The following RABGGTA variants were observed in gnomAD, a reference collection of about 807,000 sequenced individuals.
RABGGTA encodes the protein Rab geranylgeranyltransferase subunit alpha, also known as geranylgeranyl transferase type-2 subunit alpha.
In RABGGTA, 69 loss-of-function variants were observed where a neutral mutation model predicts 83.3. That is an observed-to-expected ratio of 0.83 (90% CI 0.68 to 1.01). The LOEUF (loss-of-function observed/expected upper bound fraction) is 1.01, where lower values mean the gene tolerates loss of function less well. Ranked by LOEUF, RABGGTA falls within the 50% of genes least tolerant of loss-of-function variation. The pLI is 0.00. For synonymous variants in RABGGTA, 310 were observed against 299.8 expected (o/e 1.03, Z -0.35); for missense variants, 681 against 712.7 (o/e 0.96, Z 0.51).
chr14:24,265,687 C>G lies in RABGGTA; in HGVS notation c.1632G>C (p.Pro544=). ...CCAAGATGCCCACCGCTTGGCACAG[C>G]GGGTTACCCTGCAGGTTGAGGAGGA... ...RLVLLNLQGN[P]LCQAVGILEQ... is the part of the protein sequence containing the mutation. Residue 544 remains proline, a synonymous_variant, in exon 17 of 17, where the codon CCG becomes CCC. Coordinates refer to ENST00000216840, the MANE Select transcript of RABGGTA (RefSeq NM_182836.3). 2 of 1,613,330 alleles carry G rather than the reference C, an allele frequency of 1.2e-6. No homozygotes were observed. Among genetic ancestry groups the G allele is most frequent in the South Asian group, 1.1e-5 (1 of 90,912 alleles).
At chr14:24,271,062 G>A in intron 2 of RABGGTA, 51 bp downstream of exon 2, 2 of 1,577,004 alleles carry the variant, frequency 1.3e-6, no homozygotes, top group South Asian at 1.2e-5. Context: ...CTGCCACTGG[G>A]GGTGAGGGCG....
Position 24,267,891 on chromosome 14 carries a change from C to T in RABGGTA, c.1215G>A (p.Leu405=). The T allele has an allele frequency of 6.2e-7, 1 of 1,613,804 alleles. No individual in the cohort carries two copies. The highest frequency in any genetic ancestry group is 8.5e-7 in the Non-Finnish European group (1 of 1,179,848). ...LDPLLYEKET[L]QYFQTLKAVD... is the part of the protein sequence containing the mutation. ...TTGCCTTGAGGGTCTGGAAGTACTGCAGGGTCTCCTTCTCATACAGCAGGG... is the reference window on the plus strand; with the variant it reads ...TTGCCTTGAGGGTCTGGAAGTACTGTAGGGTCTCCTTCTCATACAGCAGGG... Residue 405 remains leucine (L), a synonymous_variant, in exon 13 of 17, where the codon CTG becomes CTA. Transcript: ENST00000216840.
chr14:24,268,718 G>A lies in RABGGTA; in HGVS notation c.900+7C>T. The A allele has an allele frequency of 6.2e-7, 1 of 1,600,592 alleles. No individual in the cohort carries two copies. Among genetic ancestry groups the A allele is most frequent in the Non-Finnish European group, 8.5e-7 (1 of 1,173,266 alleles). On this transcript the variant is annotated splice_region_variant and intron_variant, in intron 9 of 16. Coordinates refer to ENST00000216840, the MANE Select transcript of RABGGTA (RefSeq NM_182836.3). ...CCCCAACTTCTGCCCCACCAATCCT[G>A]GGATACCCAGACATGGCTGGGCCGG...
rs530313417 is a variant in RABGGTA at position 24,271,536 on chromosome 14, G to T, written c.-104C>A. On this transcript the variant is annotated 5_prime_UTR_variant, in exon 1 of 17. In the 5' UTR this introduces an upstream ATG that the reference lacks. Transcript: ENST00000216840. The stretch of plus-strand genomic sequence containing the variant: ...ACGCGGAGCTGCGGCGCCCGCCACA[G>T]AGCCCAGGCGCTGGCTAGAGCGGCG... 1.2e-5 allele frequency: 2 copies of T among 166,196 alleles called. No homozygotes were observed. Among genetic ancestry groups the T allele is most frequent in the Admixed American group, 1.3e-4 (2 of 15,708 alleles). 10.3% of individuals were successfully genotyped at this position (166,196 alleles called of 1,614,324 possible).
At chr14:24,271,324 C>G (rs1236820312) in intron 1 of RABGGTA, 155 bp from the exon 2 acceptor site, 2 of 511,102 alleles carry the variant, frequency 3.9e-6, no homozygotes, top group Admixed American at 7.5e-5. Context: ...AGCACCCGGA[C>G]TAGGACTTCC....
In RABGGTA at chr14:24,265,624, G is replaced by C; in HGVS notation, c.1695C>G (p.Val565=). Residue 565 remains valine, a synonymous_variant, in exon 17 of 17, where the codon GTC becomes GTG. Coordinates refer to ENST00000216840, the MANE Select transcript of RABGGTA (RefSeq NM_182836.3). ...LAELLPSVSS[V]LT ...TAGGGGGCAGGGCCTCTTAGGTGAG[G>C]ACGCTGCTAACTGAAGGCAGCAGTT... 6.2e-7 allele frequency: 1 copy of C among 1,613,628 alleles called. No homozygotes were observed. Among genetic ancestry groups the C allele is most frequent in the Non-Finnish European group, 8.5e-7 (1 of 1,179,780 alleles).
chr14:24,267,906 A>G lies in RABGGTA; in HGVS notation c.1200T>C (p.Tyr400=), dbSNP rs763857742. ...LLMRALDPLL[Y]EKETLQYFQT... ...GGAAGTACTGCAGGGTCTCCTTCTC[A>G]TACAGCAGGGGGTCCAGTGCCCGCA... is the stretch of plus-strand genomic sequence containing the variant. The change falls in exon 13 of 17, where the codon TAT becomes TAC. Residue 400 remains tyrosine (Y), a synonymous_variant. Transcript: ENST00000216840. 1.2e-6 allele frequency: 2 copies of G among 1,613,770 alleles called. No homozygotes were observed. Among genetic ancestry groups the G allele is most frequent in the Non-Finnish European group, 1.7e-6 (2 of 1,179,844 alleles).
At position 24,268,103 on chromosome 14, in the gene RABGGTA, G is replaced by A; in HGVS notation, c.1147+7C>T. The A allele has an allele frequency of 6.2e-7, 1 of 1,612,878 alleles. No individual in the cohort carries two copies. ...TGGGAGCAGACTCTCACGGAATGGGGCCTCACATTTATTCTCAGGCTCCAG... is the reference window on the plus strand; with the variant it reads ...TGGGAGCAGACTCTCACGGAATGGGACCTCACATTTATTCTCAGGCTCCAG... On this transcript the variant is annotated splice_region_variant and intron_variant, in intron 12 of 16. Transcript: ENST00000216840.
intron 9 of RABGGTA, 27 bp downstream of exon 9, chr14:24,268,698 A>G (rs766731749): frequency 5.6e-6 from 9 of 1,606,656 alleles, no homozygotes; most frequent in African/African-American, 2.7e-5. Context: ...CCAGACCCCA[A>G]CTTCTGCCCC....
chr14:24,269,408 G>A, intron 6 of RABGGTA, 83 bp downstream of exon 6: 2 of 1,446,132 alleles, frequency 1.4e-6, no homozygotes, highest in South Asian at 1.2e-5. Flanking sequence ...AAACCTGAGT[G>A]ACAGGTTCAG....
At chr14:24,269,218 C>T (rs2040913118) in intron 6 of RABGGTA, 55 bp from the exon 7 acceptor site, 5 of 1,486,980 alleles carry the variant, frequency 3.4e-6, no homozygotes, top group South Asian at 1.2e-5. Context: ...GAGCTCCTGG[C>T]CACTCCAACA....
In RABGGTA at chr14:24,270,898, C is replaced by T. The variant is rs774112051; in HGVS notation, c.53G>A (p.Arg18Lys). 3 of 1,614,066 alleles carry T rather than the reference C, an allele frequency of 1.9e-6. No individual in the cohort carries two copies. The highest frequency in any genetic ancestry group is 2.5e-6 in the Non-Finnish European group (3 of 1,179,896). The part of the protein sequence containing the change: ...KTSEEQAEAK[R>K]LEREQKLKLY... Reference sequence around the variant, plus strand: ...CTTCAGCTTCTGCTCTCGCTCTAGCCTTTTGGCCTCCGCCTGCTCTTCTGA... The same window carrying T: ...CTTCAGCTTCTGCTCTCGCTCTAGCTTTTTGGCCTCCGCCTGCTCTTCTGA... The change falls in exon 3 of 17, where the codon AGG becomes AAG. Residue 18 changes from arginine to lysine, a missense_variant. By Grantham distance (26) the Arg-to-Lys change is conservative (BLOSUM62 2). This residue lies in a region of RABGGTA where 115 missense variants were observed against 111.5 expected (regional missense o/e 1.03). Transcript: ENST00000216840.
Position 24,269,664 on chromosome 14 carries a change from G to A in RABGGTA, c.458C>T (p.Ala153Val), listed in dbSNP as rs530648251. Reference sequence around the variant, plus strand: ...TGCAGGGGGCACGGCTGCCTGTGTGGCCACAAACCGCCGATAGTCCCAGCA... The same window carrying A: ...TGCAGGGGGCACGGCTGCCTGTGTGACCACAAACCGCCGATAGTCCCAGCA... ...FHCWDYRRFV[A>V]TQAAVPPAEE... The change falls in exon 6 of 17, where the codon GCC becomes GTC. Residue 153 changes from alanine to valine, a missense_variant. Physicochemically the swap from Ala to Val is moderately conservative, Grantham distance 64. Around this residue, in one of 5 missense-constraint regions of RABGGTA, gnomAD observed 122 missense variants for 118.9 expected, o/e 1.03. Coordinates refer to ENST00000216840, the MANE Select transcript of RABGGTA (RefSeq NM_182836.3). The A allele has an allele frequency of 6.2e-7, 1 of 1,610,352 alleles. No individual in the cohort carries two copies. The highest frequency in any genetic ancestry group is 1.3e-5 in the African/African-American group (1 of 75,022).
intron 11 of RABGGTA, 30 bp downstream of exon 11, chr14:24,268,339 T>C (rs762724433): frequency 1.9e-6 from 3 of 1,612,838 alleles, no homozygotes. Context: ...CCAGAGCCCC[T>C]CTCCTTGTTT....
rs1236125673 is a variant in RABGGTA, at chr14:24,268,754, C to T, written c.871G>A (p.Asp291Asn). Residue 291 changes from aspartate (D) to asparagine (N), a missense_variant, in exon 9 of 17, where the codon GAT (aspartate) becomes AAT (asparagine). By Grantham distance (23) the Asp-to-Asn change is conservative (BLOSUM62 1). Around this residue, in one of 5 missense-constraint regions of RABGGTA, gnomAD observed 421 missense variants for 418.5 expected, o/e 1.01. Transcript: ENST00000216840. ...SPLIVEWRTP[D>N]GRNRPSHVWL... ...ACATGGCTGGGCCGGTTCCTGCCAT[C>T]TGGGGTCCTCCACTCCACAATCAGG... 6.3e-7 allele frequency: 1 copy of T among 1,585,700 alleles called. No individual in the cohort carries two copies. The highest frequency in any genetic ancestry group is 8.6e-7 in the Non-Finnish European group (1 of 1,166,216).
At chr14:24,266,002 T>G (rs2040868879) in intron 16 of RABGGTA, among the ~76,000 whole-genome samples, 1 of 152,060 alleles carries the variant, frequency 6.6e-6, no homozygotes, top group Non-Finnish European at 1.5e-5. Context: ...TGGTGCAGGG[T>G]ATGATAAGGT....
chr14:24,267,960 TGAG>T lies in RABGGTA; in HGVS notation c.1148-5_1148-3del. On this transcript the variant is annotated splice_region_variant and splice_polypyrimidine_tract_variant and intron_variant, in intron 12 of 16. Coordinates refer to ENST00000216840, the MANE Select transcript of RABGGTA (RefSeq NM_182836.3). ...GCAGGATGATGGTAAGCAGGCACCCTGAGGAGAGGGCAGGGAAAAGGAGGGTTT... is the reference window on the plus strand; with the variant it reads ...GCAGGATGATGGTAAGCAGGCACCCTGAGAGGGCAGGGAAAAGGAGGGTTT... The T allele has an allele frequency of 1.2e-6, 2 of 1,613,534 alleles. No homozygotes were observed. The highest frequency in any genetic ancestry group is 1.7e-6 in the Non-Finnish European group (2 of 1,179,682).
Position 24,270,071 on chromosome 14 carries a change from G to A in RABGGTA, c.309C>T (p.Asn103=), listed in dbSNP as rs750718255. Residue 103 remains asparagine (N), a synonymous_variant, in exon 5 of 17, where the codon AAC becomes AAT. Transcript: ENST00000216840. ...LGFLESCLRV[N]PKSYGTWHHR... The stretch of plus-strand genomic sequence containing the variant: ...GGTGCCAGGTACCATAAGACTTGGG[G>A]TTCACCCGCAGGCAGCTCTCCAGGA... 9 of 1,611,866 alleles carry A rather than the reference G, an allele frequency of 5.6e-6. No individual in the cohort carries two copies. The highest frequency in any genetic ancestry group is 7.6e-6 in the Non-Finnish European group (9 of 1,179,088).
At chr14:24,269,202 A>G (rs1203185913) in intron 6 of RABGGTA, 39 bp from the exon 7 acceptor site, 1 of 1,558,724 alleles carries the variant, frequency 6.4e-7, no homozygotes, top group Admixed American at 1.8e-5. Context: ...TGGTCAGGAC[A>G]CTGGTGAGCT....
Sources: allele counts gnomAD v4.1 joint callset (sites outside exome capture counted in the v4.1 genomes callset), GRCh38; gene constraint gnomAD v4.1.1; regional missense constraint gnomAD v4.1.1; transcripts MANE v1.5; gene names NCBI Gene and HGNC (gene_info 2026-07-23, HGNC 2026-07-21).